PHKB: variants seen among roughly 807,000 people sequenced by gnomAD.
PHKB encodes phosphorylase b kinase regulatory subunit beta.
In PHKB, 122 loss-of-function variants were observed where a neutral mutation model predicts 152.1. That is an observed-to-expected ratio of 0.80 (90% CI 0.69 to 0.93). The LOEUF is 0.93. PHKB is among the 40% of genes least tolerant of loss of function. The pLI is 0.00. For synonymous variants in PHKB, 436 were observed against 464.9 expected, an observed-to-expected ratio of 0.94 and a Z score of 0.80; for missense variants, 1,304 against 1,328.4, an observed-to-expected ratio of 0.98 and a Z score of 0.29.
At chr16:47,569,025 G>A (rs955258852) in intron 7 of PHKB, among the ~76,000 whole-genome samples, 1 of 152,158 alleles carries the variant, frequency 6.6e-6, no homozygotes, top group African/African-American at 2.4e-5. Flanking sequence ...GTGAATGTCT[G>A]TTAGGTCCAT....
chr16:47,535,633 A>G (rs1970939297), intron 6 of PHKB, among the ~76,000 whole-genome samples: 1 of 152,226 alleles, frequency 6.6e-6, no homozygotes. Flanking sequence ...GTCCCGCTCT[A>G]TCTCTAACTT....
chr16:47,664,878 C>A lies in PHKB; in HGVS notation c.2337-7C>A. 6.2e-7 allele frequency: 1 copy of A among 1,606,540 alleles called. No homozygotes were observed. Among genetic ancestry groups the A allele is most frequent in the Non-Finnish European group, 8.5e-7 (1 of 1,173,438 alleles). ...TCCCTTTTATGGCTTTCCACTGACACACCCAGGTTGGCGGTGCGCTACGGG... is the reference window on the plus strand; with the variant it reads ...TCCCTTTTATGGCTTTCCACTGACAAACCCAGGTTGGCGGTGCGCTACGGG... On this transcript the variant is annotated splice_polypyrimidine_tract_variant and splice_region_variant and intron_variant, in intron 24 of 30. Coordinates refer to ENST00000323584, the MANE Select transcript of PHKB (RefSeq NM_000293.3).
chr16:47,596,856 T>C (rs1972129613), intron 13 of PHKB, among the ~76,000 whole-genome samples: 1 of 152,168 alleles, frequency 6.6e-6, no homozygotes, highest in South Asian at 2.1e-4. Context: ...AATTCTGACT[T>C]AAGAAAACAG....
At chr16:47,500,913 G>A (rs1224928765) in intron 3 of PHKB, among the ~76,000 whole-genome samples, 1 of 152,124 alleles carries the variant, frequency 6.6e-6, no homozygotes, top group Non-Finnish European at 1.5e-5. Flanking sequence ...ACATGAACAC[G>A]ATTTATCTGT....
chr16:47,574,429 T>G (rs1971716770), intron 7 of PHKB, among the ~76,000 whole-genome samples: 1 of 152,256 alleles, frequency 6.6e-6, no homozygotes, highest in African/African-American at 2.4e-5. Context: ...TCATTTTTTC[T>G]GTTGAGTTAC....
chr16:47,540,819 G>GTTTT (rs75589113), intron 6 of PHKB, among the ~76,000 whole-genome samples: 18 of 64,266 alleles, frequency 2.8e-4, no homozygotes, highest in African/African-American at 3.9e-4. Flanking sequence ...TAAATGTCCT[G>GTTTT]TTTTTTTTTT....
rs1974017362 is a variant in PHKB at position 47,689,189 on chromosome 16, C to G, written c.2765+14C>G. ...ACAGAATGGAAGGTAATAAGGGCCC[C>G]TTGTTACCTACATGATACTCTGGAT... On this transcript the variant is annotated intron_variant, in intron 27 of 30. Coordinates refer to ENST00000323584, the MANE Select transcript of PHKB (RefSeq NM_000293.3). 1.2e-6 allele frequency: 2 copies of G among 1,612,780 alleles called. No individual in the cohort carries two copies. The highest frequency in any genetic ancestry group is 1.7e-6 in the Non-Finnish European group (2 of 1,178,964).
At chr16:47,647,884 A>G (rs1383642245) in intron 16 of PHKB, among the ~76,000 whole-genome samples, 1 of 152,242 alleles carries the variant, frequency 6.6e-6, no homozygotes, top group Admixed American at 6.5e-5. Flanking sequence ...ATGTAAATAT[A>G]CACACATATT....
At chr16:47,503,700 G>A (rs1486472814) in intron 4 of PHKB, among the ~76,000 whole-genome samples, 3 of 151,976 alleles carry the variant, frequency 2.0e-5, no homozygotes, top group Admixed American at 6.6e-5. Flanking sequence ...ATGGTGGTGT[G>A]CACCTGTAGT....
intron 27 of PHKB, among the ~76,000 whole-genome samples, chr16:47,692,299 C>T (rs1323124900): frequency 6.6e-6 from 1 of 151,958 alleles, no homozygotes; most frequent in African/African-American, 2.4e-5. Flanking sequence ...ACTCTGCTGT[C>T]TTTTAAAATA....
intron 16 of PHKB, among the ~76,000 whole-genome samples, chr16:47,646,572 T>TAAAAAAAAAAAAAAAAAAAAAAAA (rs35849346): frequency 9.3e-6 from 1 of 107,730 alleles, no homozygotes; most frequent in Non-Finnish European, 2.1e-5. Context: ...AAAAAAATAA[T>TAAAAAAAAAAAAAAAAAAAAAAAA]AAAAAAAAAA....
chr16:47,698,600 GCT>G lies in PHKB; in HGVS notation c.3144+13_3144+14del. The G allele has an allele frequency of 1.4e-6, 1 of 697,574 alleles. No individual in the cohort carries two copies. Among genetic ancestry groups the G allele is most frequent in the Non-Finnish European group, 1.9e-6 (1 of 516,802 alleles). The allele number at this position is 697,574 out of a possible 1,614,324, so 43.2% of individuals were successfully genotyped here. A position where few individuals can be genotyped will look rare whatever the true frequency, so the allele number is the denominator to read the frequency against. On this transcript the variant is annotated intron_variant, in intron 30 of 30. Transcript: ENST00000323584. ...AAATTGAAAAACAAGTAAGTACACA[GCT>G]TTTTTTTTTTTTTTTTTTTTGAGAA...
chr16:47,667,966 T>G (rs1029654996), intron 25 of PHKB, among the ~76,000 whole-genome samples: 1 of 152,216 alleles, frequency 6.6e-6, no homozygotes, highest in Non-Finnish European at 1.5e-5. Flanking sequence ...AACAGTCACT[T>G]ACAGAGCTGG....
chr16:47,582,483 T>A (rs1273200048), intron 8 of PHKB, among the ~76,000 whole-genome samples: 2 of 152,204 alleles, frequency 1.3e-5, no homozygotes, highest in African/African-American at 4.8e-5. Context: ...ATATTGTTCC[T>A]CAGCCAGTTT....
intron 13 of PHKB, among the ~76,000 whole-genome samples, chr16:47,609,585 TC>T (rs1722439481): frequency 6.6e-6 from 1 of 151,828 alleles, no homozygotes; most frequent in African/African-American, 2.4e-5. Context: ...GTGTAAAGTT[TC>T]AATCACTTTA....
chr16:47,547,097 T>C (rs935460419), intron 6 of PHKB, among the ~76,000 whole-genome samples: 2 of 152,150 alleles, frequency 1.3e-5, no homozygotes, highest in African/African-American at 2.4e-5. Context: ...TCAGCTCGCC[T>C]TCCGTGGGCT....
chr16:47,576,365 T>A (rs1031862104), intron 7 of PHKB, among the ~76,000 whole-genome samples: 2 of 152,236 alleles, frequency 1.3e-5, no homozygotes, highest in East Asian at 3.8e-4. Context: ...TAATTGGGTT[T>A]TTATTATTGA....
chr16:47,650,586 C>A lies in PHKB; in HGVS notation c.1840C>A (p.Arg614Ser), dbSNP rs369109156. 3 of 1,610,928 alleles carry A rather than the reference C, an allele frequency of 1.9e-6. No homozygotes were observed. The African/African-American group carries it at 4.0e-5, about 22-fold the overall frequency. ...FIKQYWKMHG[R>S]PLFLVLIRED... ...TAAACAATATTGGAAAATGCATGGACGTCCACTTTTCCTTGTTCTCATCCG... is the reference window on the plus strand; with the variant it reads ...TAAACAATATTGGAAAATGCATGGAAGTCCACTTTTCCTTGTTCTCATCCG... Residue 614 changes from arginine (R) to serine (S), a missense_variant, in exon 19 of 31, where the codon CGT becomes AGT. Physicochemically the swap from Arg to Ser is moderately radical, Grantham distance 110. Transcript: ENST00000323584.
rs74750212 is a variant in PHKB at position 47,663,802 on chromosome 16, T to C, written c.2336+68T>C. ...GTTATATTCGATAGCCTAAAGAAAATGGACCAATATTAAAGATAGTTATTC... is the reference window on the plus strand; with the variant it reads ...GTTATATTCGATAGCCTAAAGAAAACGGACCAATATTAAAGATAGTTATTC... On this transcript the variant is annotated intron_variant, in intron 24 of 30. Transcript: ENST00000323584. 2.4e-3 allele frequency: 2,171 copies of C among 910,786 alleles called. 4 individuals are homozygous for C. Among genetic ancestry groups the C allele is most frequent in the Non-Finnish European group, 3.1e-3 (1,701 of 541,334 alleles). The allele number at this position is 910,786 out of a possible 1,614,324, so 56.4% of individuals were successfully genotyped here. A position where few individuals can be genotyped will look rare whatever the true frequency, so the allele number is the denominator to read the frequency against.
Sources: allele counts gnomAD v4.1 joint callset (sites outside exome capture counted in the v4.1 genomes callset), GRCh38; gene constraint gnomAD v4.1.1; transcripts MANE v1.5; gene names NCBI Gene and HGNC (gene_info 2026-07-23, HGNC 2026-07-21).